The following SVEP1 variants were observed in gnomAD, a reference collection of about 807,000 sequenced individuals.
SVEP1 encodes the protein sushi, von Willebrand factor type A, EGF and pentraxin domain-containing protein 1.
A neutral mutation model predicts 367.3 loss-of-function variants in SVEP1; 164 were observed. The observed-to-expected ratio is 0.45, with a 90% CI of 0.39 to 0.51. The LOEUF (loss-of-function observed/expected upper bound fraction) is 0.51. Among genes scored for constraint, SVEP1 ranks in the 20% least tolerant of loss-of-function variants. The pLI is 0.00. For synonymous variants in SVEP1, 1,666 were observed against 1,611.6 expected (o/e 1.03, Z -0.81); for missense variants, 4,117 against 4,425.3 (o/e 0.93, Z 1.98).
intron 1 of SVEP1, among the ~76,000 whole-genome samples, chr9:110,574,470 T>G (rs746727168): frequency 6.6e-6 from 1 of 152,220 alleles, no homozygotes; most frequent in Non-Finnish European, 1.5e-5. Context: ...CGATCTCATT[T>G]CCATGATGAA....
intron 36 of SVEP1, among the ~76,000 whole-genome samples, chr9:110,415,939 G>T (rs7848377): frequency 0.16 from 24,945 of 151,892 alleles, 3,109 homozygotes; most frequent in East Asian, 0.36. Context: ...TGTACCTCAT[G>T]TGGATTGGAG....
intron 43 of SVEP1, among the ~76,000 whole-genome samples, chr9:110,380,204 GAT>G (rs1267952528): frequency 6.6e-6 from 1 of 152,102 alleles, no homozygotes; most frequent in Admixed American, 6.5e-5. Context: ...TTTTATAACT[GAT>G]ATTGTTTTGA....
chr9:110,501,975 G>A (rs1363241408), intron 6 of SVEP1, among the ~76,000 whole-genome samples: 2 of 152,098 alleles, frequency 1.3e-5, no homozygotes, highest in Non-Finnish European at 2.9e-5. Context: ...CGTAATGTTG[G>A]TCTATAATTT....
intron 1 of SVEP1, among the ~76,000 whole-genome samples, chr9:110,558,374 T>C (rs1489755836): frequency 6.7e-6 from 1 of 149,186 alleles, no homozygotes; most frequent in Non-Finnish European, 1.5e-5. Flanking sequence ...ATAGGCTGGT[T>C]ATGGTGGTGC....
rs541440943 is a variant in SVEP1, at chr9:110,389,514, T to C, written c.9886+10A>G. The C allele has an allele frequency of 2.3e-5, 37 of 1,613,216 alleles. No homozygotes were observed. The African/African-American group carries it at 3.3e-4, about 15-fold the overall frequency. ...TCATTTTGGGGGCTGCTAAGTGTCA[T>C]TCAACTCACCTTTGCATATTGCCAC... is the stretch of plus-strand genomic sequence containing the variant. On this transcript the variant is annotated intron_variant, in intron 41 of 47. Coordinates refer to ENST00000374469, the MANE Select transcript of SVEP1 (RefSeq NM_153366.4).
rs912085320 is a variant in SVEP1 at position 110,500,611 on chromosome 9, A to C, written c.1484-1373T>G. Among the ~76,000 whole-genome samples, 3 of 152,154 alleles carry C rather than the reference A, an allele frequency of 2.0e-5. No homozygotes were observed. The South Asian group carries it at 6.2e-4, about 31-fold the overall frequency. On this transcript the variant is annotated intron_variant, in intron 6 of 47. Transcript: ENST00000374469. ...TTTACCTTATCTTTAAAATCTATGAAGAATTTATTTCTGTGTTCAGTGTGA... is the reference window on the plus strand; with the variant it reads ...TTTACCTTATCTTTAAAATCTATGACGAATTTATTTCTGTGTTCAGTGTGA...
At chr9:110,379,326 A>G (rs750537261) in intron 44 of SVEP1, 21 bp downstream of exon 44, 2 of 1,610,524 alleles carry the variant, frequency 1.2e-6, no homozygotes, top group Non-Finnish European at 1.7e-6. Context: ...CTAAGAAATA[A>G]CCATTCAAAT....
chr9:110,498,082 A>G (rs1013777190), intron 7 of SVEP1, among the ~76,000 whole-genome samples: 2 of 152,236 alleles, frequency 1.3e-5, no homozygotes, highest in Non-Finnish European at 2.9e-5. Flanking sequence ...ACATTGCTAC[A>G]TTTCCTTGTG....
intron 8 of SVEP1, 145 bp from the exon 9 acceptor site, chr9:110,489,924 T>C: frequency 9.6e-7 from 1 of 1,040,806 alleles, no homozygotes; most frequent in Non-Finnish European, 1.3e-6. Context: ...GGCATATTTC[T>C]TTCCAGATTA....
intron 14 of SVEP1, among the ~76,000 whole-genome samples, chr9:110,474,517 T>C (rs10512405): frequency 0.28 from 41,861 of 151,936 alleles, 6,179 homozygotes; most frequent in Non-Finnish European, 0.32. Context: ...TTCTCAAGAA[T>C]TGCCATTTGG....
At position 110,503,158 on chromosome 9, in the gene SVEP1, C is replaced by G; in HGVS notation, c.1363G>C (p.Glu455Gln). 1 of 1,613,972 alleles carries G rather than the reference C, an allele frequency of 6.2e-7. No individual in the cohort carries two copies. Among genetic ancestry groups the G allele is most frequent in the Non-Finnish European group, 8.5e-7 (1 of 1,179,874 alleles). ...KHGHISCSTR[E>Q]MLYKTTCLVA... ...AAACATGTTGTCTTATATAACATTT[C>G]CCTTGTAGAACAGCTGATGTGGCCA... Residue 455 changes from glutamate to glutamine, a missense_variant, in exon 6 of 48, where the codon GAA (glutamate) becomes CAA (glutamine). By Grantham distance (29) the Glu-to-Gln change is conservative (BLOSUM62 2). Coordinates refer to ENST00000374469, the MANE Select transcript of SVEP1 (RefSeq NM_153366.4).
rs533514473 is a variant in SVEP1, at chr9:110,579,248, A to C, written c.296T>G (p.Phe99Cys). ...GCGGACGAACATGAGCTCGCTGCGG[A>C]AGTTGACTTCGCCCACGCTGGACGA... ...DDSSSVGEVNFRSELMFVRKL... is the reference protein window; with the variant it reads ...DDSSSVGEVNCRSELMFVRKL... Residue 99 changes from phenylalanine to cysteine, a missense_variant, in exon 1 of 48, where the codon TTC becomes TGC. Physicochemically the swap from Phe to Cys is radical, Grantham distance 205. Around this residue, in one of 4 missense-constraint regions of SVEP1, gnomAD observed 161 missense variants for 122.4 expected, o/e 1.32. Transcript: ENST00000374469. This position sits in a 1 kb window ranked among gnomAD's most constrained non-coding sequence, Gnocchi z 5.3. 1.1e-5 allele frequency: 17 copies of C among 1,570,894 alleles called. No individual in the cohort carries two copies. The highest frequency in any genetic ancestry group is 5.9e-5 in the South Asian group (5 of 85,404).
intron 40 of SVEP1, 142 bp from the exon 41 acceptor site, chr9:110,389,729 G>C: frequency 1.2e-6 from 1 of 853,222 alleles, no homozygotes; most frequent in East Asian, 2.7e-5. Context: ...ATTTTTGAAA[G>C]TCTAAATCTA....
chr9:110,513,694 C>G (rs1323997651), intron 4 of SVEP1, among the ~76,000 whole-genome samples: 2 of 151,896 alleles, frequency 1.3e-5, no homozygotes, highest in Non-Finnish European at 2.9e-5. Context: ...TAAATGTTTT[C>G]CAAGTACTAA....
chr9:110,429,354 A>G lies in SVEP1; in HGVS notation c.5616-20T>C. The G allele has an allele frequency of 6.8e-7, 1 of 1,477,670 alleles. No homozygotes were observed. The highest frequency in any genetic ancestry group is 9.0e-7 in the Non-Finnish European group (1 of 1,114,196). The allele number at this position is 1,477,670 out of a possible 1,614,324, so 91.5% of individuals were successfully genotyped here. A position where few individuals can be genotyped will look rare whatever the true frequency, so the allele number is the denominator to read the frequency against. On this transcript the variant is annotated intron_variant, in intron 34 of 47. Coordinates refer to ENST00000374469, the MANE Select transcript of SVEP1 (RefSeq NM_153366.4). ...TTACACCTAAAGAAGATAGAGGAAAATTACAGGATATAATTTGCTTTATTT... is the reference window on the plus strand; with the variant it reads ...TTACACCTAAAGAAGATAGAGGAAAGTTACAGGATATAATTTGCTTTATTT...
intron 20 of SVEP1, 49 bp downstream of exon 20, chr9:110,458,422 T>G (rs1259278299): frequency 6.6e-7 from 1 of 1,522,220 alleles, no homozygotes; most frequent in Admixed American, 1.9e-5. Flanking sequence ...AATGACAAAT[T>G]GCTTTCCAAG....
intron 5 of SVEP1, 30 bp from the exon 6 acceptor site, chr9:110,503,247 T>C: frequency 6.3e-7 from 1 of 1,584,582 alleles, no homozygotes; most frequent in Non-Finnish European, 8.6e-7. Flanking sequence ...TTAGATCACA[T>C]TTTGCTAAAT....
chr9:110,448,820 G>A (rs946854545), intron 24 of SVEP1, among the ~76,000 whole-genome samples: 8 of 152,224 alleles, frequency 5.3e-5, no homozygotes, highest in Non-Finnish European at 8.8e-5. Context: ...ATGAGAAAGT[G>A]ATGCTACATG....
At chr9:110,538,042 T>C (rs1410821676) in intron 3 of SVEP1, among the ~76,000 whole-genome samples, 7 of 152,038 alleles carry the variant, frequency 4.6e-5, no homozygotes, top group African/African-American at 7.2e-5. Flanking sequence ...TTGAGAATTC[T>C]TGGCAACTGT....
Sources: allele counts gnomAD v4.1 joint callset (sites outside exome capture counted in the v4.1 genomes callset), GRCh38; gene constraint gnomAD v4.1.1; regional missense constraint gnomAD v4.1.1; non-coding constraint Gnocchi (gnomAD v3.1); transcripts MANE v1.5; gene names NCBI Gene and HGNC (gene_info 2026-07-23, HGNC 2026-07-21).